Variants in MYO5B observed in about 807,000 individuals in gnomAD.
The protein encoded by MYO5B is myosin VB.
In MYO5B, 143 loss-of-function variants were observed where a neutral mutation model predicts 229.3. That is an observed-to-expected ratio of 0.62 (90% CI 0.54 to 0.72). MYO5B has a LOEUF of 0.72. MYO5B is among the 30% of genes least tolerant of loss of function. The pLI, the probability that MYO5B is intolerant of heterozygous loss-of-function variation, is 0.00. For synonymous variants in MYO5B, 918 were observed against 885.2 expected (o/e 1.04, Z -0.66); for missense variants, 2,321 against 2,331.0 (o/e 1.00, Z 0.09).
chr18:50,157,521 A>T (rs2032699696), intron 1 of MYO5B, among the ~76,000 whole-genome samples: 1 of 152,134 alleles, frequency 6.6e-6, no homozygotes, highest in African/African-American at 2.4e-5. Flanking sequence ...CAACCTGTCA[A>T]GCCCTTTCCT....
intron 1 of MYO5B, among the ~76,000 whole-genome samples, chr18:50,187,067 A>C (rs1269736124): frequency 6.6e-6 from 1 of 152,244 alleles, no homozygotes; most frequent in Non-Finnish European, 1.5e-5. Context: ...TCACTTAGAC[A>C]AACCATTTTC....
At chr18:49,852,307 T>C (rs916956733) in intron 31 of MYO5B, among the ~76,000 whole-genome samples, 1 of 152,238 alleles carries the variant, frequency 6.6e-6, no homozygotes, top group Non-Finnish European at 1.5e-5. Flanking sequence ...TTTCCTAGGC[T>C]GCCTCCTCTA....
At chr18:49,954,732 G>A (rs1462055390) in intron 12 of MYO5B, among the ~76,000 whole-genome samples, 2 of 152,158 alleles carry the variant, frequency 1.3e-5, no homozygotes, top group Non-Finnish European at 2.9e-5. Flanking sequence ...AAGGTCACAG[G>A]AGCAGAGTCA....
intron 11 of MYO5B, 117 bp downstream of exon 11, chr18:49,962,832 G>C (rs2025575590): frequency 1.1e-6 from 1 of 892,278 alleles, no homozygotes; most frequent in South Asian, 1.3e-5. Context: ...GGAAAACCAA[G>C]GGATATCAGA....
rs199658277 is a variant in MYO5B, at chr18:49,902,791, G to A, written c.2614C>T (p.Arg872Trp). The A allele has an allele frequency of 1.5e-5, 24 of 1,602,826 alleles. No homozygotes were observed. Among genetic ancestry groups the A allele is most frequent in the Middle Eastern group, 1.6e-4 (1 of 6,062 alleles). Residue 872 changes from arginine (R) to tryptophan (W), a missense_variant, in exon 21 of 40, where the codon CGG becomes TGG. Around this residue, in one of 2 missense-constraint regions of MYO5B, gnomAD observed 2,113 missense variants for 2,044.7 expected, o/e 1.03. Coordinates refer to ENST00000285039, the MANE Select transcript of MYO5B (RefSeq NM_001080467.3). ...AAGTGCCTGCGTGCCATCCAGCCCCGCACGTGCTTCTGGATGGTGGTGGCC... is the reference window on the plus strand; with the variant it reads ...AAGTGCCTGCGTGCCATCCAGCCCCACACGTGCTTCTGGATGGTGGTGGCC... ...HKATTIQKHV[R>W]GWMARRHFQR... is the part of the protein sequence containing the mutation.
chr18:50,136,004 G>A (rs938048621), intron 1 of MYO5B, among the ~76,000 whole-genome samples: 3 of 152,224 alleles, frequency 2.0e-5, no homozygotes, highest in African/African-American at 7.2e-5. Context: ...GAATCAAGAG[G>A]TGAAGTAGTT....
intron 1 of MYO5B, among the ~76,000 whole-genome samples, chr18:50,063,261 T>G (rs112306361): frequency 0.012 from 1,892 of 152,288 alleles, 38 homozygotes; most frequent in African/African-American, 0.042. Flanking sequence ...TCCATTAAAG[T>G]CTTCCTGAAC....
intron 5 of MYO5B, among the ~76,000 whole-genome samples, chr18:49,999,416 G>A (rs1297566750): frequency 6.6e-6 from 1 of 152,230 alleles, no homozygotes; most frequent in African/African-American, 2.4e-5. Context: ...GCCTCAGTTC[G>A]GGGCTCAGAC....
intron 22 of MYO5B, among the ~76,000 whole-genome samples, chr18:49,885,959 G>T (rs2024637703): frequency 6.6e-6 from 1 of 151,954 alleles, no homozygotes; most frequent in Admixed American, 6.6e-5. Flanking sequence ...TTTTTTTTGA[G>T]ACAAGGTCTC....
intron 10 of MYO5B, among the ~76,000 whole-genome samples, chr18:49,968,118 G>A (rs2025647175): frequency 6.6e-6 from 1 of 152,108 alleles, no homozygotes; most frequent in African/African-American, 2.4e-5. Flanking sequence ...AAGAGCTACT[G>A]GGCAGATGAC....
intron 4 of MYO5B, among the ~76,000 whole-genome samples, chr18:50,015,170 G>A (rs1438088861): frequency 6.6e-6 from 1 of 152,226 alleles, no homozygotes; most frequent in Non-Finnish European, 1.5e-5. Flanking sequence ...ACAGAAATGT[G>A]TGGGCTTTTT....
chr18:49,918,705 G>A (rs1309910249), intron 17 of MYO5B, among the ~76,000 whole-genome samples: 1 of 152,236 alleles, frequency 6.6e-6, no homozygotes, highest in African/African-American at 2.4e-5. Context: ...GTTTGGCCAT[G>A]CTGTGAGGCA....
At chr18:49,966,819 G>A (rs1051139737) in intron 10 of MYO5B, among the ~76,000 whole-genome samples, 1 of 152,126 alleles carries the variant, frequency 6.6e-6, no homozygotes, top group Non-Finnish European at 1.5e-5. Context: ...CTTAAATGCC[G>A]GAGGCCCAGA....
intron 9 of MYO5B, among the ~76,000 whole-genome samples, 164 bp from the exon 10 acceptor site, chr18:49,974,779 TCA>T (rs111420791): frequency 1.7e-5 from 2 of 117,042 alleles, no homozygotes; most frequent in African/African-American, 7.6e-5. Flanking sequence ...GCAGTCTCTC[TCA>T]CACACACACA....
At chr18:50,021,175 C>T (rs1255049314) in intron 4 of MYO5B, among the ~76,000 whole-genome samples, 1 of 152,208 alleles carries the variant, frequency 6.6e-6, no homozygotes, top group East Asian at 1.9e-4. Flanking sequence ...TCAAACAGGT[C>T]GGCTCACACA....
chr18:49,834,329 T>A (rs1429892614), intron 39 of MYO5B, among the ~76,000 whole-genome samples: 1 of 152,192 alleles, frequency 6.6e-6, no homozygotes, highest in East Asian at 1.9e-4. Context: ...TTGTTTTGTG[T>A]CAATATCCCT....
chr18:49,985,656 T>C (rs774292522), intron 7 of MYO5B, among the ~76,000 whole-genome samples: 2 of 152,200 alleles, frequency 1.3e-5, no homozygotes, highest in Non-Finnish European at 2.9e-5. Flanking sequence ...TCCTGCCTGG[T>C]ACTATCCTGC....
chr18:50,016,538 C>T (rs2026217285), intron 4 of MYO5B, among the ~76,000 whole-genome samples: 1 of 152,184 alleles, frequency 6.6e-6, no homozygotes, highest in Non-Finnish European at 1.5e-5. Flanking sequence ...TCCCAACTGT[C>T]ACAATCTCAC....
At chr18:49,907,914 G>T (rs2024917669) in intron 18 of MYO5B, among the ~76,000 whole-genome samples, 1 of 152,244 alleles carries the variant, frequency 6.6e-6, no homozygotes, top group Non-Finnish European at 1.5e-5. Flanking sequence ...ATGCTGAGAG[G>T]AACAGGGGCT....
Sources: gnomAD v4.1 joint callset for allele counts (sites outside exome capture counted in the v4.1 genomes callset) on GRCh38, gnomAD v4.1.1 for gene constraint, gnomAD v4.1.1 regional missense constraint, MANE v1.5 for transcripts, NCBI Gene and HGNC (gene_info 2026-07-23, HGNC 2026-07-21) for gene names.